The following STAB2 variants were observed in gnomAD, a reference collection of about 807,000 sequenced individuals.
The protein encoded by STAB2 is stabilin 2, also known as stabilin-2.
Under a neutral mutation model 338.1 loss-of-function variants are expected in STAB2, and 288 were observed. That is an observed-to-expected ratio of 0.85 (90% confidence interval 0.77 to 0.94). STAB2 has a LOEUF of 0.94. Among genes scored for constraint, STAB2 ranks in the 40% least tolerant of loss-of-function variants. The probability of loss-of-function intolerance (pLI) is 0.00; values close to 1 mark genes in which losing one functional copy is unlikely to be tolerated. For missense variants in STAB2, 3,141 were observed against 3,210.1 expected, an observed-to-expected ratio of 0.98 and a Z score of 0.52; for synonymous variants, 1,202 against 1,193.3, an observed-to-expected ratio of 1.01 and a Z score of -0.15.
At chr12:103,729,683 A>G (rs1263962583) in intron 48 of STAB2, among the ~76,000 whole-genome samples, 2 of 152,224 alleles carry the variant, frequency 1.3e-5, no homozygotes, top group Non-Finnish European at 2.9e-5. Flanking sequence ...TGGTAGCATT[A>G]GTCAGAAGCT....
chr12:103,684,890 T>G lies in STAB2; in HGVS notation c.2902-99T>G, dbSNP rs78559296. ...TTCTACCATCTTTCAGCCCCAAATT[T>G]GCAGTTATCACCTTAGATGGAGCCT... On this transcript the variant is annotated intron_variant, in intron 26 of 68. Transcript: ENST00000388887. 6,202 of 1,087,026 alleles carry G rather than the reference T, an allele frequency of 5.7e-3. 40 individuals are homozygous for G. The highest frequency in any genetic ancestry group is 7.4e-3 in the Non-Finnish European group (5,381 of 728,262). The allele number at this position is 1,087,026 out of a possible 1,614,324, so 67.3% of individuals were successfully genotyped here.
intron 18 of STAB2, among the ~76,000 whole-genome samples, chr12:103,664,409 G>C (rs1874896712): frequency 1.3e-5 from 2 of 152,202 alleles, no homozygotes; most frequent in Admixed American, 6.5e-5. Context: ...CTCCCAAAGT[G>C]GTGGGATTAC....
rs760437478 is a variant in STAB2, at chr12:103,652,633, C to T, written c.1335C>T (p.Ile445=). The T allele has an allele frequency of 2.5e-5, 41 of 1,609,722 alleles. No individual in the cohort carries two copies. Among genetic ancestry groups the T allele is most frequent in the Admixed American group, 1.7e-5 (1 of 59,422 alleles). Residue 445 remains isoleucine, a synonymous_variant, in exon 12 of 69, where the codon ATC becomes ATT. Coordinates refer to ENST00000388887, the MANE Select transcript of STAB2 (RefSeq NM_017564.10). ...ACATAATTGCTGGTCAGATGAACAT[C>T]GAATATATGAATAACACAGACATGT... The part of the protein sequence containing the change: ...KLHIIAGQMN[I]EYMNNTDMFY...
At chr12:103,607,730 C>T (rs9668016) in intron 3 of STAB2, among the ~76,000 whole-genome samples, 3,774 of 152,068 alleles carry the variant, frequency 0.025, 67 homozygotes, top group Middle Eastern at 0.048. Context: ...CCTTTTTTAT[C>T]GCTGCATAGT....
At chr12:103,660,549 CA>C in intron 16 of STAB2, 133 bp from the exon 17 acceptor site, 1 of 1,301,734 alleles carries the variant, frequency 7.7e-7, no homozygotes, top group Non-Finnish European at 1.1e-6. Flanking sequence ...TTCAAAGCCA[CA>C]AAAACTCTTG....
chr12:103,660,933 C>T (rs532348624), intron 17 of STAB2, among the ~76,000 whole-genome samples, 170 bp downstream of exon 17: 5 of 152,236 alleles, frequency 3.3e-5, no homozygotes, highest in South Asian at 2.1e-4. Context: ...CAACTACATG[C>T]GTGAGAGTCT....
At chr12:103,588,781 G>C (rs1956752235) in intron 1 of STAB2, among the ~76,000 whole-genome samples, 1 of 152,064 alleles carries the variant, frequency 6.6e-6, no homozygotes, top group African/African-American at 2.4e-5. Context: ...GTAAAGAAAA[G>C]CTTGCTTTCA....
At chr12:103,723,280 T>A (rs1426969043) in intron 44 of STAB2, among the ~76,000 whole-genome samples, 1 of 152,206 alleles carries the variant, frequency 6.6e-6, no homozygotes, top group African/African-American at 2.4e-5. Flanking sequence ...TCCCCATGGC[T>A]GGGGAGGTCT....
chr12:103,646,547 A>G (rs1873351313), intron 9 of STAB2, among the ~76,000 whole-genome samples: 3 of 152,340 alleles, frequency 2.0e-5, no homozygotes, highest in East Asian at 1.9e-4. Flanking sequence ...CCCATTTTAT[A>G]GAAGAGGAAA....
At chr12:103,620,230 T>C (rs1331675715) in intron 3 of STAB2, among the ~76,000 whole-genome samples, 2 of 152,214 alleles carry the variant, frequency 1.3e-5, no homozygotes, top group African/African-American at 4.8e-5. Context: ...GTGAAGTGTA[T>C]AGCAAACTCT....
At position 103,715,886 on chromosome 12, in the gene STAB2, C is replaced by T. The variant is rs772598114; in HGVS notation, c.4609C>T (p.Gln1537Ter). ...GGAGTGCACACAGACAGGACCCAAC[C>T]AGGTGAGTGCCACCTCTCCCAGGCC... Reference protein sequence around the residue: ...NAECTQTGPNQAACNCLPAYT... With the variant: ...NAECTQTGPN The change falls in exon 43 of 69, where the codon CAG becomes TAG. Residue 1537 changes from glutamine (Q) to a stop codon, truncating the protein, a stop_gained and splice_region_variant. Coordinates refer to ENST00000388887, the MANE Select transcript of STAB2 (RefSeq NM_017564.10). LOFTEE classifies it high-confidence loss of function. The T allele has an allele frequency of 6.2e-7, 1 of 1,613,912 alleles. No individual in the cohort carries two copies. Among genetic ancestry groups the T allele is most frequent in the Non-Finnish European group, 8.5e-7 (1 of 1,179,902 alleles).
intron 3 of STAB2, among the ~76,000 whole-genome samples, chr12:103,607,632 T>G (rs9668534): frequency 6.6e-6 from 1 of 151,222 alleles, no homozygotes; most frequent in African/African-American, 2.4e-5. Flanking sequence ...TGAGAACATG[T>G]GGTGTTTGGT....
At chr12:103,650,795 A>G (rs1242138781) in intron 11 of STAB2, among the ~76,000 whole-genome samples, 1 of 152,194 alleles carries the variant, frequency 6.6e-6, no homozygotes, top group Admixed American at 6.5e-5. Flanking sequence ...CCCAACGTGA[A>G]CCTACTTGTG....
chr12:103,720,207 C>G (rs531960226), intron 44 of STAB2, among the ~76,000 whole-genome samples: 1 of 152,210 alleles, frequency 6.6e-6, no homozygotes, highest in African/African-American at 2.4e-5. Context: ...CTTCCATGGG[C>G]CATTCATGTT....
At chr12:103,752,136 G>C (rs1883719780) in intron 60 of STAB2, among the ~76,000 whole-genome samples, 2 of 152,094 alleles carry the variant, frequency 1.3e-5, no homozygotes, top group Admixed American at 1.3e-4. Context: ...ATTGAAAAAA[G>C]ATAAGCATAC....
At chr12:103,607,684 G>T (rs1957053348) in intron 3 of STAB2, among the ~76,000 whole-genome samples, 2 of 152,038 alleles carry the variant, frequency 1.3e-5, no homozygotes, top group South Asian at 4.1e-4. Flanking sequence ...ATGGTTTCCA[G>T]CTTCATCCAT....
chr12:103,599,076 T>TGC (rs1565952033), intron 3 of STAB2, among the ~76,000 whole-genome samples: 6 of 152,078 alleles, frequency 3.9e-5, no homozygotes, highest in Non-Finnish European at 1.5e-5. Context: ...CCAGTTCTAG[T>TGC]TCATTACTCT....
rs536649092 is a variant in STAB2, at chr12:103,633,206, G to A, written c.583+1513G>A. Among the ~76,000 whole-genome samples, 46 of 152,320 alleles carry A rather than the reference G, an allele frequency of 3.0e-4. 1 individual carries two copies. The highest frequency in any genetic ancestry group is 2.0e-3 in the Admixed American group (31 of 15,306). ...CCTTCTCAGTAAGGCAGGAGACCCA[G>A]TCCAGAAGCCAGCCTAAGGGAAAAC... On this transcript the variant is annotated intron_variant, in intron 6 of 68. Transcript: ENST00000388887.
rs1215934540 is a variant in STAB2 at position 103,677,505 on chromosome 12, G to A, written c.2699G>A (p.Gly900Asp). 2 of 1,614,158 alleles carry A rather than the reference G, an allele frequency of 1.2e-6. No individual in the cohort carries two copies. The highest frequency in any genetic ancestry group is 1.7e-6 in the Non-Finnish European group (2 of 1,179,996). ...ACCCACACCTGCGTGTGTCAGCAGG[G>A]TTGGACAGGGAATGGGAGAGACTGC... is the stretch of plus-strand genomic sequence containing the variant. ...TGTHTCVCQQ[G>D]WTGNGRDCSE... The change falls in exon 25 of 69, where the codon GGT becomes GAT. Residue 900 changes from glycine (G) to aspartate (D), a missense_variant. By Grantham distance (94) the Gly-to-Asp change is moderately conservative. Transcript: ENST00000388887.
Sources: gnomAD v4.1 joint callset for allele counts (sites outside exome capture counted in the v4.1 genomes callset) on GRCh38, gnomAD v4.1.1 for gene constraint, MANE v1.5 for transcripts, NCBI Gene and HGNC (gene_info 2026-07-23, HGNC 2026-07-21) for gene names.